The following RARS2 variants were observed in gnomAD, a reference collection of about 807,000 sequenced individuals.
The protein encoded by RARS2 is probable arginine--tRNA ligase, mitochondrial.
A neutral mutation model predicts 88.5 loss-of-function variants in RARS2; 67 were observed. The ratio of observed to expected loss-of-function variants is 0.76; its 90% CI spans 0.62 to 0.93. The LOEUF (loss-of-function observed/expected upper bound fraction) is 0.93. RARS2 is among the 40% of genes least tolerant of loss of function. The probability of loss-of-function intolerance (pLI) is 0.00; values close to 1 mark genes in which losing one functional copy is unlikely to be tolerated. For missense variants in RARS2, 664 were observed against 684.2 expected, an observed-to-expected ratio of 0.97 and a Z score of 0.33; for synonymous variants, 239 against 230.3, an observed-to-expected ratio of 1.04 and a Z score of -0.34.
intron 17 of RARS2, among the ~76,000 whole-genome samples, chr6:87,517,912 G>A (rs1292384040): frequency 2.0e-5 from 3 of 152,164 alleles, no homozygotes; most frequent in African/African-American, 4.8e-5. Context: ...CTTTATGTGA[G>A]CTAGAGGCAG....
chr6:87,519,446 T>C (rs924016225), intron 14 of RARS2, 137 bp downstream of exon 14: 1 of 927,988 alleles, frequency 1.1e-6, no homozygotes, highest in African/African-American at 1.7e-5. Flanking sequence ...GCACCTCTAA[T>C]TAGTGAAAGG....
intron 8 of RARS2, among the ~76,000 whole-genome samples, chr6:87,540,458 A>AC (rs1270278362): frequency 6.6e-6 from 1 of 151,830 alleles, no homozygotes; most frequent in Admixed American, 6.6e-5. Context: ...AAAAAAAAAA[A>AC]AAAAAAAAAA....
At position 87,558,725 on chromosome 6, in the gene RARS2, TAAAAG is replaced by T. The variant is rs1258217479; in HGVS notation, c.298-3225_298-3221del. 2.0e-5 allele frequency among the ~76,000 whole-genome samples: 3 copies of T among 152,322 alleles called. No individual in the cohort carries two copies. In the East Asian group the frequency reaches 5.8e-4, roughly 29 times the overall value. On this transcript the variant is annotated intron_variant, in intron 4 of 19. Coordinates refer to ENST00000369536, the MANE Select transcript of RARS2 (RefSeq NM_020320.5). ...CTACTAGGCTAGGCTGCCAGTCAAA[TAAAAG>T]TATAGCACATACAATTATGTACATC...
At chr6:87,519,464 G>T in intron 14 of RARS2, 119 bp downstream of exon 14, 1 of 1,163,020 alleles carries the variant, frequency 8.6e-7, no homozygotes, top group Non-Finnish European at 1.3e-6. Flanking sequence ...AGGTATTTTT[G>T]ACAAAGTTAG....
chr6:87,537,995 T>C (rs1779721737), intron 8 of RARS2, among the ~76,000 whole-genome samples: 1 of 152,208 alleles, frequency 6.6e-6, no homozygotes, highest in African/African-American at 2.4e-5. Flanking sequence ...AGATTTTCTT[T>C]TAGAAACAGA....
intron 1 of RARS2, among the ~76,000 whole-genome samples, chr6:87,587,826 GC>G (rs1775621414): frequency 6.6e-6 from 1 of 152,100 alleles, no homozygotes; most frequent in Non-Finnish European, 1.5e-5. Context: ...AGGCTGAAGT[GC>G]AGCGGTGCAA....
chr6:87,562,813 G>A (rs774856827), intron 3 of RARS2, 28 bp from the exon 4 acceptor site: 7 of 1,555,816 alleles, frequency 4.5e-6, no homozygotes, highest in East Asian at 2.2e-5. Context: ...CACAAAGTAG[G>A]TATGTTATAT....
chr6:87,521,309 G>A (rs1285339112), intron 12 of RARS2, among the ~76,000 whole-genome samples, 155 bp downstream of exon 12: 1 of 152,056 alleles, frequency 6.6e-6, no homozygotes, highest in Non-Finnish European at 1.5e-5. Flanking sequence ...TCATTTTTAA[G>A]TGTTTAAACT....
intron 2 of RARS2, among the ~76,000 whole-genome samples, chr6:87,566,873 A>AG (rs55679282): frequency 6.7e-6 from 1 of 148,652 alleles, no homozygotes; most frequent in East Asian, 2.0e-4. Context: ...AAAAAAAAAA[A>AG]TGTGGACAAG....
chr6:87,514,328 A>C lies in RARS2; in HGVS notation c.*85T>G. 5.1e-6 allele frequency: 5 copies of C among 981,128 alleles called. No homozygotes were observed. In the South Asian group the frequency reaches 6.0e-5, roughly 12 times the overall value. 60.8% of individuals were successfully genotyped at this position (981,128 alleles called of 1,614,324 possible). A position where few individuals can be genotyped will look rare whatever the true frequency, so the allele number is the denominator to read the frequency against. On this transcript the variant is annotated 3_prime_UTR_variant, in exon 20 of 20. Coordinates refer to ENST00000369536, the MANE Select transcript of RARS2 (RefSeq NM_020320.5). ...CTCCATCTCAAAAAAAAAAAAAAAA[A>C]ATTTAAATTTATTCTGAACAGCAAG...
intron 1 of RARS2, among the ~76,000 whole-genome samples, chr6:87,570,119 C>T (rs1486675613): frequency 1.3e-5 from 2 of 152,088 alleles, no homozygotes; most frequent in Non-Finnish European, 2.9e-5. Flanking sequence ...AAAATGTGAT[C>T]CCCGTCCCTA....
intron 4 of RARS2, among the ~76,000 whole-genome samples, chr6:87,556,182 G>T (rs1582651475): frequency 6.6e-6 from 1 of 152,156 alleles, no homozygotes. Context: ...TTCCAGGTTA[G>T]TTTTTAGTTA....
intron 9 of RARS2, 87 bp downstream of exon 9, chr6:87,530,697 C>T: frequency 2.0e-6 from 3 of 1,523,972 alleles, no homozygotes; most frequent in East Asian, 2.3e-5. Flanking sequence ...TTTTAAAACA[C>T]AAGCTTAACA....
chr6:87,581,210 A>C (rs1190824079), intron 1 of RARS2, among the ~76,000 whole-genome samples: 1 of 152,224 alleles, frequency 6.6e-6, no homozygotes, highest in East Asian at 1.9e-4. Context: ...AAAATTGCAT[A>C]AAAACCTAAT....
chr6:87,584,659 C>A, intron 1 of RARS2: 1 of 459,158 alleles, frequency 2.2e-6, no homozygotes. Context: ...CAAATCTACC[C>A]TCAAAAGACT....
At chr6:87,567,785 T>A (rs1218790311) in intron 2 of RARS2, among the ~76,000 whole-genome samples, 1 of 152,212 alleles carries the variant, frequency 6.6e-6, no homozygotes, top group Non-Finnish European at 1.5e-5. Flanking sequence ...TTATTTACTT[T>A]TTTTGAGACG....
At chr6:87,524,679 A>G in intron 10 of RARS2, 27 bp from the exon 11 acceptor site, 1 of 1,492,612 alleles carries the variant, frequency 6.7e-7, no homozygotes, top group Non-Finnish European at 9.3e-7. Flanking sequence ...GTAACTCTGA[A>G]GCAACATAAT....
At position 87,564,378 on chromosome 6, in the gene RARS2, G is replaced by T. The variant is rs982699993; in HGVS notation, c.111-146C>A. On this transcript the variant is annotated intron_variant, in intron 2 of 19. Transcript: ENST00000369536. ...GTACTTTCAAAATTAAAAGCAAGGG[G>T]GCCGAGAGCGGTGGCTCATGCCTGT... 2.4e-5 allele frequency: 17 copies of T among 698,488 alleles called. No homozygotes were observed. The African/African-American group carries it at 2.8e-4, about 12-fold the overall frequency. The allele number at this position is 698,488 out of a possible 1,614,324, so 43.3% of individuals were successfully genotyped here. A position where few individuals can be genotyped will look rare whatever the true frequency, so the allele number is the denominator to read the frequency against.
At chr6:87,547,369 A>C (rs893986539) in intron 6 of RARS2, among the ~76,000 whole-genome samples, 3 of 152,218 alleles carry the variant, frequency 2.0e-5, no homozygotes, top group Non-Finnish European at 4.4e-5. Flanking sequence ...TGCCACAAGT[A>C]CTAATTTCTC....
Sources: gnomAD v4.1 joint callset for allele counts (sites outside exome capture counted in the v4.1 genomes callset) on GRCh38, gnomAD v4.1.1 for gene constraint, MANE v1.5 for transcripts, NCBI Gene and HGNC (gene_info 2026-07-23, HGNC 2026-07-21) for gene names.